The following GLI2 variants were observed in gnomAD, a reference collection of about 807,000 sequenced individuals.
GLI2 encodes the protein transcription activator GLI2.
Under a neutral mutation model 78.9 loss-of-function variants are expected in GLI2, and 22 were observed. The observed-to-expected ratio is 0.28, with a 90% CI of 0.20 to 0.40. The LOEUF is 0.40. Ranked by LOEUF, GLI2 falls within the 10% of genes least tolerant of loss-of-function variation. GLI2 has a pLI of 1.00. For synonymous variants in GLI2, 974 were observed against 963.7 expected, an observed-to-expected ratio of 1.01 and a Z score of -0.20; for missense variants, 2,097 against 2,213.2, an observed-to-expected ratio of 0.95 and a Z score of 1.05.
chr2:120,935,549 C>T (rs903808777), intron 3 of GLI2, among the ~76,000 whole-genome samples: 2 of 152,144 alleles, frequency 1.3e-5, no homozygotes, highest in African/African-American at 2.4e-5. Context: ...TGTGCCCAGC[C>T]GCCGGCTTAT....
At chr2:120,819,371 C>A (rs368910267) in intron 2 of GLI2, among the ~76,000 whole-genome samples, 154 of 151,298 alleles carry the variant, frequency 1.0e-3, no homozygotes, top group African/African-American at 3.4e-3. Context: ...TCCCAAGTAG[C>A]TGAGATTACA....
chr2:120,896,562 A>T (rs529107993), intron 2 of GLI2, among the ~76,000 whole-genome samples: 1 of 151,928 alleles, frequency 6.6e-6, no homozygotes, highest in East Asian at 1.9e-4. Context: ...TTTTAGCACC[A>T]CCAACAACTG....
intron 3 of GLI2, among the ~76,000 whole-genome samples, chr2:120,949,936 C>G (rs1680897801): frequency 6.6e-6 from 1 of 152,214 alleles, no homozygotes; most frequent in South Asian, 2.1e-4. Context: ...ATCATTTCCT[C>G]CCTGAAATAA....
chr2:120,927,240 G>A (rs576503073), intron 2 of GLI2, 121 bp from the exon 3 acceptor site: 167 of 793,558 alleles, frequency 2.1e-4, no homozygotes, highest in Non-Finnish European at 3.2e-4. Flanking sequence ...CGGGCACTGC[G>A]GAGCCCCTTG....
intron 2 of GLI2, among the ~76,000 whole-genome samples, chr2:120,857,857 A>G (rs897111382): frequency 3.6e-4 from 44 of 123,002 alleles, no homozygotes; most frequent in Admixed American, 1.6e-3. Context: ...CCTCCTTCCC[A>G]TTTTCTGATA....
intron 2 of GLI2, among the ~76,000 whole-genome samples, chr2:120,919,995 T>A (rs2104841987): frequency 6.6e-6 from 1 of 152,362 alleles, no homozygotes; most frequent in South Asian, 2.1e-4. Context: ...CTTCCCTCCA[T>A]CAGTGCTGGG....
At chr2:120,982,058 T>C (rs280195) in intron 10 of GLI2, among the ~76,000 whole-genome samples, 143,045 of 152,200 alleles carry the variant, frequency 0.94, 67,863 homozygotes, top group Middle Eastern at 1. Flanking sequence ...AGAAAAATGC[T>C]CTCAGAGGAG....
In GLI2 at chr2:120,967,295, C is replaced by G. The variant is rs143831435; in HGVS notation, c.644-1419C>G. Among the ~76,000 whole-genome samples, 490 of 152,354 alleles carry G rather than the reference C, an allele frequency of 3.2e-3. 2 individuals are homozygous for G. The highest frequency in any genetic ancestry group is 0.011 in the African/African-American group (463 of 41,592). ...CCTACCATGGGCCAGGTGCTTCTCA[C>G]GCTTCGCCTAATTTACACCTCATGC... On this transcript the variant is annotated intron_variant, in intron 5 of 13. Coordinates refer to ENST00000361492, the MANE Select transcript of GLI2 (RefSeq NM_001374353.1).
chr2:120,829,965 G>A (rs924773801), intron 2 of GLI2, among the ~76,000 whole-genome samples: 9 of 151,792 alleles, frequency 5.9e-5, no homozygotes, highest in Non-Finnish European at 8.8e-5. Context: ...GTGTGCCTGC[G>A]TGTGTGTGTG....
chr2:120,807,024 C>T (rs1684988183), intron 2 of GLI2, among the ~76,000 whole-genome samples: 2 of 152,166 alleles, frequency 1.3e-5, no homozygotes. Context: ...GACCTGGTAA[C>T]ACTGCTGTGT....
chr2:120,985,522 T>C (rs1467215787), intron 12 of GLI2, among the ~76,000 whole-genome samples: 1 of 152,116 alleles, frequency 6.6e-6, no homozygotes. Flanking sequence ...GGACAACACC[T>C]AGAAGGTCCC....
intron 2 of GLI2, among the ~76,000 whole-genome samples, chr2:120,816,656 A>G (rs1685509448): frequency 6.6e-6 from 1 of 152,040 alleles, no homozygotes. Flanking sequence ...AATTAAAAAA[A>G]AAAGTAAGAA....
chr2:120,898,455 C>T (rs1678088033), intron 2 of GLI2, among the ~76,000 whole-genome samples: 1 of 152,160 alleles, frequency 6.6e-6, no homozygotes, highest in African/African-American at 2.4e-5. Context: ...TGGATTCGCA[C>T]TGAATTGGGG....
intron 3 of GLI2, among the ~76,000 whole-genome samples, chr2:120,929,794 C>T (rs185218373): frequency 6.6e-6 from 1 of 152,184 alleles, no homozygotes. Flanking sequence ...GTGTTGGAGT[C>T]ATTTCCACCC....
At chr2:120,736,454 G>A (rs1434932154) in intron 1 of GLI2, among the ~76,000 whole-genome samples, 169 bp downstream of exon 1, 2 of 152,048 alleles carry the variant, frequency 1.3e-5, no homozygotes, top group Non-Finnish European at 2.9e-5. Context: ...CTAGAGGCTA[G>A]TAGGCGCGAC....
intron 1 of GLI2, among the ~76,000 whole-genome samples, chr2:120,777,367 A>G (rs528115468): frequency 6.6e-6 from 1 of 151,874 alleles, no homozygotes; most frequent in Admixed American, 6.6e-5. Flanking sequence ...TGTGGGGGTG[A>G]GGCGTGTCTG....
intron 1 of GLI2, among the ~76,000 whole-genome samples, chr2:120,760,351 G>T (rs1683176931): frequency 6.6e-6 from 1 of 152,190 alleles, no homozygotes; most frequent in African/African-American, 2.4e-5. Context: ...GGCCTCCCAG[G>T]TGCCATCGCT....
intron 2 of GLI2, among the ~76,000 whole-genome samples, chr2:120,845,142 G>A (rs1199904381): frequency 6.6e-6 from 1 of 152,118 alleles, no homozygotes; most frequent in Admixed American, 6.5e-5. Context: ...CCATGGTGGT[G>A]CACGCCTGTA....
intron 2 of GLI2, among the ~76,000 whole-genome samples, chr2:120,893,228 T>A (rs1404321605): frequency 6.6e-6 from 1 of 152,232 alleles, no homozygotes; most frequent in Non-Finnish European, 1.5e-5. Flanking sequence ...TTGTCCTTGT[T>A]GTTGGATGAC....
Sources: allele counts gnomAD v4.1 joint callset (sites outside exome capture counted in the v4.1 genomes callset), GRCh38; gene constraint gnomAD v4.1.1; transcripts MANE v1.5; gene names NCBI Gene and HGNC (gene_info 2026-07-23, HGNC 2026-07-21).